Variants in TTC27 observed in about 807,000 individuals in gnomAD.
TTC27 encodes tetratricopeptide repeat protein 27.
In TTC27, 79 loss-of-function variants were observed where a neutral mutation model predicts 115.9. That is an observed-to-expected ratio of 0.68 (90% CI 0.57 to 0.82). The LOEUF (loss-of-function observed/expected upper bound fraction) is 0.82. Among genes scored for constraint, TTC27 ranks in the 40% least tolerant of loss-of-function variants. TTC27 has a pLI of 0.00. For missense variants in TTC27, 1,054 were observed against 993.1 expected (o/e 1.06, Z -0.82); for synonymous variants, 401 against 356.0 (o/e 1.13, Z -1.42).
intron 9 of TTC27, among the ~76,000 whole-genome samples, chr2:32,692,515 C>A (rs1002378031): frequency 6.6e-6 from 1 of 152,040 alleles, no homozygotes; most frequent in Non-Finnish European, 1.5e-5. Flanking sequence ...ATGTACTTAA[C>A]ATTACTGAAC....
chr2:32,754,450 C>A (rs1471668746), intron 12 of TTC27, among the ~76,000 whole-genome samples: 1 of 149,378 alleles, frequency 6.7e-6, no homozygotes, highest in African/African-American at 2.5e-5. Flanking sequence ...TCAGAGAGCA[C>A]AGGGTTGGGG....
Position 32,806,327 on chromosome 2 carries a change from A to C in TTC27, c.1999-4697A>C, listed in dbSNP as rs185742798. Among the ~76,000 whole-genome samples the C allele has an allele frequency of 2.0e-5, 3 of 152,300 alleles. No individual in the cohort carries two copies. In the East Asian group the frequency reaches 5.8e-4, roughly 29 times the overall value. ...TACTCATGGGTGATTCATTTAATCA[A>C]AGAAATACTATCGTAACACTCTTTA... On this transcript the variant is annotated intron_variant, in intron 16 of 19. Transcript: ENST00000317907.
At chr2:32,762,894 T>G (rs11124295) in intron 13 of TTC27, among the ~76,000 whole-genome samples, 1 of 152,104 alleles carries the variant, frequency 6.6e-6, no homozygotes, top group South Asian at 2.1e-4. Context: ...CCCGCCTCGG[T>G]CTCCCAAAGT....
intron 12 of TTC27, among the ~76,000 whole-genome samples, chr2:32,741,207 A>G (rs1668623272): frequency 6.6e-6 from 1 of 152,228 alleles, no homozygotes; most frequent in South Asian, 2.1e-4. Flanking sequence ...TGCTTTCTAC[A>G]GAGAGCCTTC....
chr2:32,773,893 T>C (rs1669909321), intron 13 of TTC27, among the ~76,000 whole-genome samples: 1 of 152,154 alleles, frequency 6.6e-6, no homozygotes, highest in Admixed American at 6.5e-5. Flanking sequence ...TGTCAGTGTT[T>C]TAGAGAAATA....
At chr2:32,669,875 G>C (rs1219625091) in intron 7 of TTC27, among the ~76,000 whole-genome samples, 1 of 92,878 alleles carries the variant, frequency 1.1e-5, no homozygotes, top group Non-Finnish European at 2.0e-5. Flanking sequence ...GACTAAGTGA[G>C]ACTTTCTCAA....
chr2:32,674,454 A>G (rs1245401964), intron 8 of TTC27, among the ~76,000 whole-genome samples: 1 of 151,912 alleles, frequency 6.6e-6, no homozygotes, highest in African/African-American at 2.4e-5. Context: ...CCCAGTCAAA[A>G]TCTTATTCTT....
intron 11 of TTC27, 128 bp downstream of exon 11, chr2:32,734,051 G>T: frequency 1.8e-6 from 1 of 571,236 alleles, no homozygotes. Flanking sequence ...AAATGTATCT[G>T]CCTGGGAATT....
At chr2:32,661,600 T>C (rs1665550282) in intron 5 of TTC27, among the ~76,000 whole-genome samples, 2 of 152,160 alleles carry the variant, frequency 1.3e-5, no homozygotes, top group Admixed American at 1.3e-4. Context: ...GAATATGTGA[T>C]TTTTGTAGAT....
intron 1 of TTC27, among the ~76,000 whole-genome samples, chr2:32,629,741 G>C (rs1193787731): frequency 6.6e-6 from 1 of 152,130 alleles, no homozygotes; most frequent in East Asian, 1.9e-4. Context: ...GCCCAGCCTA[G>C]GAGGCAAAGA....
intron 10 of TTC27, among the ~76,000 whole-genome samples, chr2:32,718,457 A>G (rs1667820992): frequency 6.6e-6 from 1 of 151,786 alleles, no homozygotes; most frequent in Non-Finnish European, 1.5e-5. Context: ...CTTTTTCTTA[A>G]TAGTCTTTTG....
chr2:32,712,354 G>A (rs955182998), intron 10 of TTC27, among the ~76,000 whole-genome samples: 1 of 152,172 alleles, frequency 6.6e-6, no homozygotes, highest in Non-Finnish European at 1.5e-5. Flanking sequence ...GTTCAAGGCA[G>A]TGGTGATGTT....
At chr2:32,719,636 G>T (rs1667860239) in intron 10 of TTC27, among the ~76,000 whole-genome samples, 1 of 152,176 alleles carries the variant, frequency 6.6e-6, no homozygotes, top group South Asian at 2.1e-4. Context: ...TCTCAAAGGG[G>T]TGAGATTATG....
intron 13 of TTC27, among the ~76,000 whole-genome samples, chr2:32,763,805 TG>T (rs1447101667): frequency 6.6e-6 from 1 of 152,246 alleles, no homozygotes; most frequent in Admixed American, 6.5e-5. Context: ...GTTTCATTTT[TG>T]CAAGTGACTT....
intron 13 of TTC27, among the ~76,000 whole-genome samples, chr2:32,763,060 T>C (rs780249163): frequency 6.6e-6 from 1 of 152,226 alleles, no homozygotes; most frequent in Non-Finnish European, 1.5e-5. Flanking sequence ...CATTATATAA[T>C]TTAGAATTAA....
At chr2:32,688,858 C>T (rs763084815) in intron 9 of TTC27, among the ~76,000 whole-genome samples, 30 of 152,052 alleles carry the variant, frequency 2.0e-4, no homozygotes, top group Non-Finnish European at 3.8e-4. Context: ...ATTGCTTCTC[C>T]AGGTATTTAG....
At chr2:32,643,906 A>G (rs1459577706) in intron 4 of TTC27, among the ~76,000 whole-genome samples, 2 of 151,720 alleles carry the variant, frequency 1.3e-5, no homozygotes, top group East Asian at 2.0e-4. Context: ...ATCTCTGGGC[A>G]TGGTGGTTCA....
rs1671300678 is a variant in TTC27 at position 32,811,095 on chromosome 2, C to G, written c.2070C>G (p.Leu690=). ...TDRSGDVATG[L]KGKLQELFGR... is the part of the protein sequence containing the mutation. ...GAAGTGGAGATGTTGCAACTGGCCT[C>G]AAAGGAAAGCTGCAGGAGTTATTTG... Residue 690 remains leucine (L), a synonymous_variant, in exon 17 of 20, where the codon CTC becomes CTG. Transcript: ENST00000317907. The G allele has an allele frequency of 1.2e-6, 2 of 1,614,080 alleles. No homozygotes were observed. The highest frequency in any genetic ancestry group is 1.7e-6 in the Non-Finnish European group (2 of 1,180,024).
chr2:32,629,297 T>C (rs2063539989), intron 1 of TTC27, among the ~76,000 whole-genome samples: 1 of 151,326 alleles, frequency 6.6e-6, no homozygotes, highest in African/African-American at 2.4e-5. Context: ...AATTTTGTGT[T>C]TTTAGTAGAG....
Sources: allele counts gnomAD v4.1 joint callset (sites outside exome capture counted in the v4.1 genomes callset), GRCh38; gene constraint gnomAD v4.1.1; transcripts MANE v1.5; gene names NCBI Gene and HGNC (gene_info 2026-07-23, HGNC 2026-07-21).